SSC5D: variants seen among roughly 807,000 people sequenced by gnomAD.
SSC5D encodes the protein scavenger receptor cysteine rich family member with 5 domains.
Under a neutral mutation model 104.6 loss-of-function variants are expected in SSC5D, and 106 were observed. That is an observed-to-expected ratio of 1.01 (90% confidence interval 0.87 to 1.19). SSC5D has a LOEUF of 1.19. Among genes scored for constraint, SSC5D ranks in the 50% most tolerant of loss-of-function variants. The probability of loss-of-function intolerance (pLI) is 0.00; values close to 1 mark genes in which losing one functional copy is unlikely to be tolerated. For synonymous variants in SSC5D, 860 were observed against 883.5 expected (o/e 0.97, Z 0.47); for missense variants, 1,993 against 2,153.8 (o/e 0.93, Z 1.48).
rs10419796 is a variant in SSC5D, at chr19:55,515,743, T to G, written c.2948-1481T>G. ...TGAGACTCCGTCTCAAAAAAAAAAA[T>G]AAAATAAAATAAAAGAAAATGAAAC... On this transcript the variant is annotated intron_variant, in intron 13 of 13. Coordinates refer to ENST00000389623, the MANE Select transcript of SSC5D (RefSeq NM_001144950.2). Among the ~76,000 whole-genome samples, 149 of 105,650 alleles carry G rather than the reference T, an allele frequency of 1.4e-3. 2 individuals are homozygous for G. Among genetic ancestry groups the G allele is most frequent in the South Asian group, 0.01 (41 of 3,914 alleles). The allele number at this position is 105,650 out of a possible 152,430, so 69.3% of individuals were successfully genotyped here.
intron 12 of SSC5D, among the ~76,000 whole-genome samples, chr19:55,510,437 C>T (rs1987730464): frequency 6.6e-6 from 1 of 152,218 alleles, no homozygotes; most frequent in African/African-American, 2.4e-5. Flanking sequence ...CAACTTCCGC[C>T]TCCCAGGTTC....
At chr19:55,499,103 T>G (rs754836990) in intron 9 of SSC5D, among the ~76,000 whole-genome samples, 2 of 152,220 alleles carry the variant, frequency 1.3e-5, no homozygotes, top group Non-Finnish European at 2.9e-5. Flanking sequence ...TACATGTGGC[T>G]GACCATAAAT....
rs1987225899 is a variant in SSC5D at position 55,493,856 on chromosome 19, G to T, written c.1157G>T (p.Arg386Leu). ...NETALRFCPA[R>L]PWGQHDCHHR... Reference sequence around the variant, plus strand: ...ACGGCCTTACGATTCTGCCCAGCTCGGCCCTGGGGCCAGCATGACTGTCAC... The same window carrying T: ...ACGGCCTTACGATTCTGCCCAGCTCTGCCCTGGGGCCAGCATGACTGTCAC... Residue 386 changes from arginine to leucine, a missense_variant, in exon 7 of 14, where the codon CGG becomes CTG. Around this residue, in one of 6 missense-constraint regions of SSC5D, gnomAD observed 1,101 missense variants for 1,085.0 expected, o/e 1.01. Transcript: ENST00000389623. 1 of 1,549,254 alleles carries T rather than the reference G, an allele frequency of 6.5e-7. No individual in the cohort carries two copies. Among genetic ancestry groups the T allele is most frequent in the East Asian group, 2.4e-5 (1 of 40,866 alleles).
chr19:55,499,765 C>A, intron 9 of SSC5D, 51 bp from the exon 10 acceptor site: 1 of 1,435,822 alleles, frequency 7.0e-7, no homozygotes, highest in South Asian at 1.3e-5. Flanking sequence ...GGTAGATGAT[C>A]TTGTCATCAT....
intron 12 of SSC5D, among the ~76,000 whole-genome samples, chr19:55,512,765 G>A (rs866637838): frequency 5.3e-5 from 8 of 152,180 alleles, no homozygotes; most frequent in Admixed American, 2.0e-4. Flanking sequence ...TTACAAGCTT[G>A]AGCCACGGCG....
rs1247008054 is a variant in SSC5D at position 55,500,831 on chromosome 19, G to T, written c.2617+27G>T. On this transcript the variant is annotated intron_variant, in intron 11 of 13. Coordinates refer to ENST00000389623, the MANE Select transcript of SSC5D (RefSeq NM_001144950.2). This position sits in a 1 kb window ranked among gnomAD's most constrained non-coding sequence, Gnocchi z 4.6. The stretch of plus-strand genomic sequence containing the variant: ...TACCAGGGCATGGCGGCGGTGGTGG[G>T]GTTGTCGGGGGTGGCCAGGAGAATG... 1.3e-6 allele frequency: 2 copies of T among 1,534,556 alleles called. No homozygotes were observed. Among genetic ancestry groups the T allele is most frequent in the Non-Finnish European group, 1.8e-6 (2 of 1,136,568 alleles).
chr19:55,514,488 C>A (rs1987827214), intron 13 of SSC5D, among the ~76,000 whole-genome samples: 1 of 148,418 alleles, frequency 6.7e-6, no homozygotes, highest in Non-Finnish European at 1.5e-5. Context: ...GTAATCCCAG[C>A]TACTCGGGAG....
chr19:55,518,376 C>A lies in SSC5D; in HGVS notation c.4100C>A (p.Thr1367Asn). The A allele has an allele frequency of 6.4e-7, 1 of 1,551,302 alleles. No homozygotes were observed. Among genetic ancestry groups the A allele is most frequent in the Non-Finnish European group, 8.7e-7 (1 of 1,146,902 alleles). ...AAGCCCAGTCTGCACCCCCAGTTGA[C>A]CTTCACAGCACCTGCCCCTCACACC... ...TVKPSLHPQL[T>N]FTAPAPHTST... The change falls in exon 14 of 14, where the codon ACC (threonine) becomes AAC (asparagine). Residue 1367 changes from threonine to asparagine, a missense_variant. By Grantham distance (65) the Thr-to-Asn change is moderately conservative. Coordinates refer to ENST00000389623, the MANE Select transcript of SSC5D (RefSeq NM_001144950.2).
rs774790222 is a variant in SSC5D at position 55,518,699 on chromosome 19, G to A, written c.4423G>A (p.Ala1475Thr). 1.9e-5 allele frequency: 30 copies of A among 1,550,606 alleles called. No homozygotes were observed. Among genetic ancestry groups the A allele is most frequent in the Non-Finnish European group, 2.4e-5 (28 of 1,146,818 alleles). ...QSPGPHGPCV[A>T]PTPPVRVMAC... ...CCCAGGCCCCCATGGTCCATGTGTG[G>A]CCCCAACACCACCTGTAAGGGTCAT... The change falls in exon 14 of 14, where the codon GCC becomes ACC. Residue 1475 changes from alanine (A) to threonine (T), a missense_variant. This residue lies in a region of SSC5D where 349 missense variants were observed against 397.6 expected (regional missense o/e 0.88). Transcript: ENST00000389623.
chr19:55,504,167 G>C (rs1241653423), intron 12 of SSC5D: 13 of 1,535,606 alleles, frequency 8.5e-6, no homozygotes, highest in Non-Finnish European at 1.0e-5. Flanking sequence ...AGGACTGCCA[G>C]GGTTGCAGCG....
Position 55,518,999 on chromosome 19 carries a change from C to A in SSC5D, c.*1C>A, listed in dbSNP as rs1244953306. 5.2e-6 allele frequency: 8 copies of A among 1,550,210 alleles called. No homozygotes were observed. The highest frequency in any genetic ancestry group is 1.2e-5 in the South Asian group (1 of 84,048). On this transcript the variant is annotated 3_prime_UTR_variant, in exon 14 of 14. Coordinates refer to ENST00000389623, the MANE Select transcript of SSC5D (RefSeq NM_001144950.2). ...AAGACCCCTGAGGGGAGACGTGTGA[C>A]CCTCTCCAGGATTTGAGGGGCTTAA...
intron 2 of SSC5D, 34 bp downstream of exon 2, chr19:55,489,066 C>T (rs759973949): frequency 1.6e-5 from 17 of 1,047,958 alleles, no homozygotes; most frequent in Non-Finnish European, 1.9e-5. Context: ...CTGCCCGCCC[C>T]CCCCCCCAGG....
intron 8 of SSC5D, among the ~76,000 whole-genome samples, chr19:55,496,945 A>G (rs145476431): frequency 1.3e-3 from 198 of 152,276 alleles, no homozygotes; most frequent in Non-Finnish European, 2.3e-3. Context: ...TTTTTAGTAG[A>G]GACAGAGTTT....
intron 7 of SSC5D, 60 bp downstream of exon 7, chr19:55,493,972 C>T (rs1177226809): frequency 5.0e-5 from 9 of 180,122 alleles, no homozygotes; most frequent in East Asian, 2.2e-4. Context: ...AGCGGAGGGG[C>T]AAGTTCGGCG....
At chr19:55,491,150 A>G in intron 6 of SSC5D, 70 bp downstream of exon 6, 1 of 1,478,296 alleles carries the variant, frequency 6.8e-7, no homozygotes, top group South Asian at 1.4e-5. Context: ...CCCTCCAGGA[A>G]GCTGCAGCGG....
chr19:55,488,915 T>TGTGTGTGTGG (rs1599909063), intron 1 of SSC5D, 91 bp from the exon 2 acceptor site: 1 of 182,592 alleles, frequency 5.5e-6, no homozygotes, highest in African/African-American at 2.0e-4. Context: ...TGTGTGTGTG[T>TGTGTGTGTGG]TGGGGTATTC....
In SSC5D at chr19:55,503,345, C is replaced by T. The variant is rs572149631; in HGVS notation, c.2785+2144C>T. Reference sequence around the variant, plus strand: ...GTCGGTTTTGCTATATCACCTCATACTCTCATCGTCTCCATTTCTCACTGC... The same window carrying T: ...GTCGGTTTTGCTATATCACCTCATATTCTCATCGTCTCCATTTCTCACTGC... On this transcript the variant is annotated intron_variant, in intron 12 of 13. Transcript: ENST00000389623. This position sits in a 1 kb window ranked among gnomAD's most constrained non-coding sequence, Gnocchi z 4.0. 6.6e-6 allele frequency among the ~76,000 whole-genome samples: 1 copy of T among 152,272 alleles called. No individual in the cohort carries two copies. The highest frequency in any genetic ancestry group is 2.4e-5 in the African/African-American group (1 of 41,574).
Position 55,491,029 on chromosome 19 carries a change from T to C in SSC5D, c.844T>C (p.Trp282Arg). 1 of 1,549,820 alleles carries C rather than the reference T, an allele frequency of 6.5e-7. No homozygotes were observed. Among genetic ancestry groups the C allele is most frequent in the Non-Finnish European group, 8.7e-7 (1 of 1,146,672 alleles). ...QALRDCPRSP[W>R]GRSNCDHSED... Reference sequence around the variant, plus strand: ...CCTCCGAGACTGCCCCCGAAGCCCCTGGGGCCGGAGCAACTGTGACCACAG... The same window carrying C: ...CCTCCGAGACTGCCCCCGAAGCCCCCGGGGCCGGAGCAACTGTGACCACAG... The change falls in exon 6 of 14, where the codon TGG (tryptophan) becomes CGG (arginine). Residue 282 changes from tryptophan (W) to arginine (R), a missense_variant. Physicochemically the swap from Trp to Arg is moderately radical, Grantham distance 101. This residue lies in a region of SSC5D where 1,101 missense variants were observed against 1,085.0 expected (regional missense o/e 1.01). Coordinates refer to ENST00000389623, the MANE Select transcript of SSC5D (RefSeq NM_001144950.2).
rs142398678 is a variant in SSC5D at position 55,504,358 on chromosome 19, A to G, written c.2785+3157A>G. ...AAATGAAAAGACAGCCATGTGTGCC[A>G]CCTTATCAATAGGAAGACTTGGAGG... is the stretch of plus-strand genomic sequence containing the variant. On this transcript the variant is annotated intron_variant, in intron 12 of 13. Coordinates refer to ENST00000389623, the MANE Select transcript of SSC5D (RefSeq NM_001144950.2). 1.2e-3 allele frequency: 1,724 copies of G among 1,383,228 alleles called. 18 individuals carry two copies. In the African/African-American group the frequency reaches 0.022, roughly 18 times the overall value. The allele number at this position is 1,383,228 out of a possible 1,614,324, so 85.7% of individuals were successfully genotyped here. A position where few individuals can be genotyped will look rare whatever the true frequency, so the allele number is the denominator to read the frequency against.
Sources: allele counts gnomAD v4.1 joint callset (sites outside exome capture counted in the v4.1 genomes callset), GRCh38; gene constraint gnomAD v4.1.1; regional missense constraint gnomAD v4.1.1; non-coding constraint Gnocchi (gnomAD v3.1); transcripts MANE v1.5; gene names NCBI Gene and HGNC (gene_info 2026-07-23, HGNC 2026-07-21).